Variants in COL4A4 observed in about 807,000 individuals in gnomAD.
COL4A4 encodes collagen alpha-4(IV) chain.
In COL4A4, 105 loss-of-function variants were observed where a neutral mutation model predicts 192.9. The ratio of observed to expected loss-of-function variants is 0.54; its 90% CI spans 0.46 to 0.64. The LOEUF (loss-of-function observed/expected upper bound fraction) is 0.64. COL4A4 is among the 30% of genes least tolerant of loss of function. The pLI, the probability that COL4A4 is intolerant of heterozygous loss-of-function variation, is 0.00. For missense variants in COL4A4, 1,967 were observed against 2,169.3 expected (o/e 0.91, Z 1.85); for synonymous variants, 762 against 769.9 (o/e 0.99, Z 0.17).
intron 25 of COL4A4, among the ~76,000 whole-genome samples, chr2:227,065,872 G>A (rs1050866182): frequency 4.6e-5 from 7 of 152,254 alleles, no homozygotes; most frequent in Non-Finnish European, 7.3e-5. Context: ...AAAGCTGGAC[G>A]GAGAATCACT....
In COL4A4 at chr2:227,006,024, G is replaced by GT. The variant is rs1380199545; in HGVS notation, c.*1300dup. ...TGCCAAATGTCAAACTGTTGCCTTG[G>GT]TACAAGACTGATATGAAATATAAGA... On this transcript the variant is annotated 3_prime_UTR_variant, in exon 48 of 48. Coordinates refer to ENST00000396625, the MANE Select transcript of COL4A4 (RefSeq NM_000092.5). 2 of 152,464 alleles carry GT rather than the reference G, an allele frequency of 1.3e-5. No homozygotes were observed. The highest frequency in any genetic ancestry group is 2.9e-5 in the Non-Finnish European group (2 of 68,040). The allele number at this position is 152,464 out of a possible 1,614,324, so 9.4% of individuals were successfully genotyped here.
rs976511462 is a variant in COL4A4, at chr2:227,108,983, T to C, written c.658-115A>G. ...TTAGGAAACCCTTAATTTTAAAACA[T>C]GCAGTGATGGAGTTTCTATCATGGA... On this transcript the variant is annotated intron_variant, in intron 10 of 47. Coordinates refer to ENST00000396625, the MANE Select transcript of COL4A4 (RefSeq NM_000092.5). The C allele has an allele frequency of 1.9e-5, 21 of 1,089,574 alleles. No individual in the cohort carries two copies. In the African/African-American group the frequency reaches 2.6e-4, roughly 14 times the overall value. The allele number at this position is 1,089,574 out of a possible 1,614,324, so 67.5% of individuals were successfully genotyped here.
chr2:227,077,798 A>G, intron 25 of COL4A4, 96 bp downstream of exon 25: 1 of 1,180,372 alleles, frequency 8.5e-7, no homozygotes, highest in Non-Finnish European at 1.2e-6. Context: ...GTACACTAAA[A>G]TCTCAGAATT....
the COL4A4 span, among the ~76,000 whole-genome samples, chr2:226,978,903 G>A: frequency 6.6e-6 from 1 of 152,160 alleles, no homozygotes; most frequent in African/African-American, 2.4e-5. Flanking sequence ...AGAATGGCTG[G>A]TAGGAAGACA....
intron 13 of COL4A4, 79 bp from the exon 14 acceptor site, chr2:227,103,276 C>T: frequency 8.7e-7 from 1 of 1,144,034 alleles, no homozygotes; most frequent in Admixed American, 1.9e-5. Context: ...GAAATCATCT[C>T]TTTTTACAAT....
At chr2:227,037,577 T>A (rs1969934041) in intron 37 of COL4A4, among the ~76,000 whole-genome samples, 2 of 152,230 alleles carry the variant, frequency 1.3e-5, no homozygotes, top group African/African-American at 4.8e-5. Flanking sequence ...AGCAGAATGA[T>A]TTACAATCAT....
At chr2:227,031,116 G>A (rs527609609) in intron 40 of COL4A4, among the ~76,000 whole-genome samples, 81 of 152,028 alleles carry the variant, frequency 5.3e-4, no homozygotes, top group Non-Finnish European at 1.1e-3. Context: ...AATATGTCTG[G>A]TGGGAAAGGA....
chr2:226,976,700 G>A, the COL4A4 span, among the ~76,000 whole-genome samples: 1 of 152,146 alleles, frequency 6.6e-6, no homozygotes, highest in Non-Finnish European at 1.5e-5. Context: ...AGGGTTAGGA[G>A]TACCTTAACG....
intron 25 of COL4A4, among the ~76,000 whole-genome samples, chr2:227,071,769 G>T (rs1451208350): frequency 6.6e-6 from 1 of 151,974 alleles, no homozygotes; most frequent in African/African-American, 2.4e-5. Context: ...ACAAATACAT[G>T]GAAATTAAAT....
intron 25 of COL4A4, among the ~76,000 whole-genome samples, chr2:227,070,432 C>T (rs377316592): frequency 2.6e-5 from 4 of 151,870 alleles, no homozygotes; most frequent in Middle Eastern, 3.2e-3. Flanking sequence ...ATGTTTATTG[C>T]GGCATTATTC....
intron 1 of COL4A4, among the ~76,000 whole-genome samples, chr2:227,150,676 C>T (rs565399918): frequency 2.6e-5 from 4 of 152,220 alleles, no homozygotes; most frequent in Admixed American, 2.6e-4. Flanking sequence ...GCAGAAGGCA[C>T]CTCTTCACAG....
chr2:227,055,928 GA>G lies in COL4A4; in HGVS notation c.2716+16del. ...GTTTCTAAGATGGGAGGACATCATG[GA>G]AAAAGCACTACCTACCCTTTGGACC... On this transcript the variant is annotated intron_variant, in intron 30 of 47. Coordinates refer to ENST00000396625, the MANE Select transcript of COL4A4 (RefSeq NM_000092.5). The G allele has an allele frequency of 6.2e-7, 1 of 1,609,316 alleles. No individual in the cohort carries two copies. Among genetic ancestry groups the G allele is most frequent in the Non-Finnish European group, 8.5e-7 (1 of 1,177,826 alleles).
intron 4 of COL4A4, among the ~76,000 whole-genome samples, chr2:227,129,930 C>A (rs1229750939): frequency 6.6e-6 from 1 of 152,000 alleles, no homozygotes; most frequent in Non-Finnish European, 1.5e-5. Context: ...TCATTCCTTT[C>A]TTTTCTAATG....
intron 30 of COL4A4, 70 bp downstream of exon 30, chr2:227,055,875 C>T: frequency 7.2e-7 from 1 of 1,390,422 alleles, no homozygotes; most frequent in Non-Finnish European, 1.0e-6. Flanking sequence ...GGTCATCTGT[C>T]CAGTCTTCAC....
intron 18 of COL4A4, 44 bp downstream of exon 18, chr2:227,099,576 C>T (rs2060393129): frequency 6.3e-7 from 1 of 1,583,990 alleles, no homozygotes; most frequent in African/African-American, 1.3e-5. Context: ...CACTCAACTC[C>T]TATTTCTGCA....
At chr2:227,024,162 A>T (rs1966574815) in intron 43 of COL4A4, among the ~76,000 whole-genome samples, 1 of 152,196 alleles carries the variant, frequency 6.6e-6, no homozygotes, top group Non-Finnish European at 1.5e-5. Flanking sequence ...ATCAGACTGC[A>T]TCAGGAACTC....
intron 37 of COL4A4, among the ~76,000 whole-genome samples, chr2:227,034,944 C>T (rs1428648166): frequency 5.3e-5 from 8 of 151,900 alleles, no homozygotes; most frequent in Admixed American, 2.0e-4. Context: ...TAGAGCCTCT[C>T]GGTGCACAGC....
intron 34 of COL4A4, among the ~76,000 whole-genome samples, chr2:227,049,736 G>C (rs1559497650): frequency 6.6e-6 from 1 of 152,172 alleles, no homozygotes; most frequent in Non-Finnish European, 1.5e-5. Context: ...AAGCCAAAGT[G>C]GGCACGGCCC....
intron 15 of COL4A4, among the ~76,000 whole-genome samples, chr2:227,102,480 C>T (rs974325031): frequency 6.6e-6 from 1 of 152,166 alleles, no homozygotes; most frequent in African/African-American, 2.4e-5. Context: ...ATGTTGTTTC[C>T]TCAAATAGAC....
Sources: gnomAD v4.1 joint callset for allele counts (sites outside exome capture counted in the v4.1 genomes callset) on GRCh38, gnomAD v4.1.1 for gene constraint, MANE v1.5 for transcripts, NCBI Gene and HGNC (gene_info 2026-07-23, HGNC 2026-07-21) for gene names.